TENM2: variants seen among roughly 807,000 people sequenced by gnomAD.
TENM2 encodes the protein teneurin-2.
TENM2 carries 52 observed loss-of-function variants against 245.2 expected under a neutral mutation model. The ratio of observed to expected loss-of-function variants is 0.21; its 90% CI spans 0.17 to 0.27. The LOEUF (loss-of-function observed/expected upper bound fraction) is 0.27. TENM2 is among the 10% of genes least tolerant of loss of function. The probability of loss-of-function intolerance (pLI) is 1.00; values close to 1 mark genes in which losing one functional copy is unlikely to be tolerated. For missense variants in TENM2, 3,046 were observed against 3,666.8 expected (o/e 0.83, Z 4.37); for synonymous variants, 1,363 against 1,438.9 (o/e 0.95, Z 1.19).
intron 2 of TENM2, among the ~76,000 whole-genome samples, chr5:167,440,381 C>A (rs939889021): frequency 9.2e-5 from 14 of 152,086 alleles, no homozygotes; most frequent in Admixed American, 7.2e-4. Context: ...AACTTCAGCC[C>A]ATTGGAAATG....
rs117341510 is a variant in TENM2, at chr5:168,198,170, A to G, written c.2901-683A>G. On this transcript the variant is annotated intron_variant, in intron 15 of 28. Transcript: ENST00000518659. ...AAAGATACATAAACAAATGGGTGTA[A>G]CTGTATGCCAATGAACCCTTTTTTT... is the stretch of plus-strand genomic sequence containing the variant. Among the ~76,000 whole-genome samples, 12 of 149,976 alleles carry G rather than the reference A, an allele frequency of 8.0e-5. No homozygotes were observed. The East Asian group carries it at 2.4e-3, about 30-fold the overall frequency.
rs190493773 is a variant in TENM2, at chr5:167,697,800, C to T, written c.503-178186C>T. On this transcript the variant is annotated intron_variant, in intron 2 of 28. Coordinates refer to ENST00000518659, the Ensembl canonical transcript of TENM2. ...TCAACTTCCCAAAGTGCTTGGATTA[C>T]AGGTGTGAGCCACTGCACCCAGCCA... Among the ~76,000 whole-genome samples the T allele has an allele frequency of 9.8e-5, 15 of 152,294 alleles. No homozygotes were observed. In the East Asian group the frequency reaches 2.7e-3, roughly 27 times the overall value.
chr5:167,425,064 T>C (rs1452337742), intron 2 of TENM2, among the ~76,000 whole-genome samples: 1 of 152,208 alleles, frequency 6.6e-6, no homozygotes, highest in South Asian at 2.1e-4. Context: ...AAGTAGAATA[T>C]AGATGGCTTT....
At chr5:167,603,349 A>G (rs996232077) in intron 2 of TENM2, among the ~76,000 whole-genome samples, 1 of 152,294 alleles carries the variant, frequency 6.6e-6, no homozygotes, top group Non-Finnish European at 1.5e-5. Context: ...TCTGGGAGTT[A>G]AAAATAGTGT....
chr5:167,256,214 T>C, the TENM2 span, among the ~76,000 whole-genome samples: 3 of 152,164 alleles, frequency 2.0e-5, no homozygotes, highest in Admixed American at 6.6e-5. Context: ...TCATATTGTC[T>C]GTGGAGTTTT....
At chr5:167,128,835 G>T in the TENM2 span, among the ~76,000 whole-genome samples, 1 of 152,178 alleles carries the variant, frequency 6.6e-6, no homozygotes, top group Admixed American at 6.5e-5. Flanking sequence ...TGTGTTATTA[G>T]TGTCCTATGT....
chr5:167,631,016 C>A (rs1778832285), intron 2 of TENM2, among the ~76,000 whole-genome samples: 1 of 152,162 alleles, frequency 6.6e-6, no homozygotes, highest in Non-Finnish European at 1.5e-5. Context: ...TATATCCATT[C>A]ATTCATTTGG....
chr5:167,783,143 GA>G (rs1764311019), intron 2 of TENM2, among the ~76,000 whole-genome samples: 4 of 150,564 alleles, frequency 2.7e-5, no homozygotes, highest in Admixed American at 2.7e-4. Context: ...TGTGGAAGAT[GA>G]AACATTGATT....
the TENM2 span, among the ~76,000 whole-genome samples, chr5:167,109,337 A>G: frequency 1.6e-4 from 25 of 152,018 alleles, no homozygotes; most frequent in Non-Finnish European, 3.4e-4. Flanking sequence ...TCACCGAGAA[A>G]AAGTAGTTTT....
intron 2 of TENM2, among the ~76,000 whole-genome samples, chr5:167,457,850 A>C (rs1766017001): frequency 2.6e-5 from 4 of 152,206 alleles, no homozygotes. Context: ...TTAGTGTAAC[A>C]TCCCATTCCT....
the TENM2 span, among the ~76,000 whole-genome samples, chr5:167,140,590 A>G: frequency 6.6e-6 from 1 of 152,190 alleles, no homozygotes; most frequent in East Asian, 1.9e-4. Flanking sequence ...CCTGAAACTG[A>G]CATAATGCTG....
chr5:167,547,760 G>T (rs1362647481), intron 2 of TENM2, among the ~76,000 whole-genome samples: 1 of 152,096 alleles, frequency 6.6e-6, no homozygotes, highest in Non-Finnish European at 1.5e-5. Flanking sequence ...GTCAAAATAT[G>T]CAATGAGCTC....
Position 167,702,855 on chromosome 5 carries a change from G to T in TENM2, c.503-173131G>T, listed in dbSNP as rs192395771. Among the ~76,000 whole-genome samples the T allele has an allele frequency of 1.6e-3, 239 of 151,996 alleles. 2 individuals carry two copies. Among genetic ancestry groups the T allele is most frequent in the African/African-American group, 5.6e-3 (231 of 41,478 alleles). ...AATTTTTGTATTTTTAGTAGAGACG[G>T]TGTTTCACCATGTTGGCCAGGCTGG... On this transcript the variant is annotated intron_variant, in intron 2 of 28. Coordinates refer to ENST00000518659, the Ensembl canonical transcript of TENM2.
At chr5:167,478,865 C>T (rs940582695) in intron 2 of TENM2, among the ~76,000 whole-genome samples, 1 of 152,084 alleles carries the variant, frequency 6.6e-6, no homozygotes, top group African/African-American at 2.4e-5. Flanking sequence ...TTAGCCCCAC[C>T]CCTTAATGTT....
chr5:167,937,323 C>T (rs185153206), intron 3 of TENM2, among the ~76,000 whole-genome samples: 44 of 152,214 alleles, frequency 2.9e-4, no homozygotes, highest in African/African-American at 9.6e-4. Flanking sequence ...GGAATAAAGC[C>T]GCTACAAATT....
intron 3 of TENM2, 44 bp downstream of exon 5, chr5:167,876,239 T>C (rs1450978794): frequency 9.7e-6 from 14 of 1,445,730 alleles, no homozygotes; most frequent in Non-Finnish European, 1.2e-5. Context: ...GTTTCGTGAG[T>C]GACATTCTTG....
chr5:167,404,106 T>A (rs11741259), intron 2 of TENM2, among the ~76,000 whole-genome samples: 1 of 151,738 alleles, frequency 6.6e-6, no homozygotes, highest in African/African-American at 2.4e-5. Flanking sequence ...ATGACACTTA[T>A]ATTTTAAACC....
chr5:167,327,653 A>G (rs1757168642), intron 1 of TENM2, among the ~76,000 whole-genome samples: 1 of 152,220 alleles, frequency 6.6e-6, no homozygotes, highest in South Asian at 2.1e-4. Context: ...AAGTGAAGGA[A>G]TAATCATTTC....
chr5:166,983,587 T>G, the TENM2 span, among the ~76,000 whole-genome samples: 1 of 152,092 alleles, frequency 6.6e-6, no homozygotes, highest in African/African-American at 2.4e-5. Flanking sequence ...ATATTCCCCA[T>G]AAAGATTTTT....
Sources: allele counts gnomAD v4.1 joint callset (sites outside exome capture counted in the v4.1 genomes callset), GRCh38; gene constraint gnomAD v4.1.1; transcripts MANE v1.5; gene names NCBI Gene and HGNC (gene_info 2026-07-23, HGNC 2026-07-21).